UGT1A8: variants seen among roughly 807,000 people sequenced by gnomAD.
UGT1A8 encodes UDP-glucuronosyltransferase 1A8.
Under a neutral mutation model 45.3 loss-of-function variants are expected in UGT1A8, and 39 were observed. The ratio of observed to expected loss-of-function variants is 0.86; its 90% confidence interval spans 0.67 to 1.12. The LOEUF (loss-of-function observed/expected upper bound fraction) is 1.12. UGT1A8 is among the 50% of genes most tolerant of loss of function. UGT1A8 has a pLI of 0.00. For missense variants in UGT1A8, 719 were observed against 664.9 expected (o/e 1.08, Z -0.90); for synonymous variants, 275 against 249.2 (o/e 1.10, Z -0.97).
Position 233,618,369 on chromosome 2 carries a change from A to G in UGT1A8, c.662A>G (p.Gln221Arg), listed in dbSNP as rs139633511. Residue 221 changes from glutamine to arginine, a missense_variant, in exon 1 of 5, where the codon CAG (glutamine) becomes CGG (arginine). Gln to Arg is a conservative substitution (Grantham distance 43, BLOSUM62 1). Coordinates refer to ENST00000373450, the MANE Select transcript of UGT1A8 (RefSeq NM_019076.5). ...CACTTGGAGGAACATTTATTTTGCC[A>G]GTATTTTTCCAAAAATGCCCTAGAA... The part of the protein sequence containing the change: ...IMHLEEHLFC[Q>R]YFSKNALEIA... 3 of 1,613,970 alleles carry G rather than the reference A, an allele frequency of 1.9e-6. No homozygotes were observed. Among genetic ancestry groups the G allele is most frequent in the East Asian group, 4.5e-5 (2 of 44,870 alleles).
intron 1 of UGT1A8, among the ~76,000 whole-genome samples, chr2:233,741,312 A>G (rs536876139): frequency 2.0e-5 from 3 of 151,548 alleles, no homozygotes; most frequent in African/African-American, 4.9e-5. Context: ...ATACACACCA[A>G]CTCATTCTAC....
At chr2:233,668,135 C>T (rs577769503) in intron 1 of UGT1A8, among the ~76,000 whole-genome samples, 5 of 151,944 alleles carry the variant, frequency 3.3e-5, no homozygotes, top group African/African-American at 4.8e-5. Flanking sequence ...ATACATGTGC[C>T]GTGTTGGTTT....
intron 1 of UGT1A8, chr2:233,682,206 T>C (rs1290794027): frequency 6.2e-7 from 1 of 1,614,224 alleles, no homozygotes; most frequent in Middle Eastern, 1.7e-4. Flanking sequence ...GACCGGGAGT[T>C]CATGGTTTTT....
At chr2:233,636,291 G>T (rs541682994) in intron 1 of UGT1A8, among the ~76,000 whole-genome samples, 1 of 140,724 alleles carries the variant, frequency 7.1e-6, no homozygotes, top group South Asian at 2.2e-4. Flanking sequence ...CCAAGGCGAA[G>T]ACCATAATCT....
Position 233,618,109 on chromosome 2 carries a change from A to G in UGT1A8, c.402A>G (p.Val134=), listed in dbSNP as rs1211140659. The G allele has an allele frequency of 4.3e-6, 7 of 1,614,024 alleles. No homozygotes were observed. Among genetic ancestry groups the G allele is most frequent in the East Asian group, 4.5e-5 (2 of 44,890 alleles). ...GTTTGTTTAATGACCGAAAATTAGT[A>G]GAATACTTAAAGGAGAGTTCTTTTG... ...CRSLFNDRKL[V]EYLKESSFDA... is the part of the protein sequence containing the mutation. The change falls in exon 1 of 5, where the codon GTA becomes GTG. Residue 134 remains valine, a synonymous_variant. Coordinates refer to ENST00000373450, the MANE Select transcript of UGT1A8 (RefSeq NM_019076.5).
At chr2:233,695,451 A>G (rs774662852) in intron 1 of UGT1A8, among the ~76,000 whole-genome samples, 22 of 149,706 alleles carry the variant, frequency 1.5e-4, no homozygotes, top group South Asian at 6.5e-4. Context: ...TTTTTGATCA[A>G]CGTGCTTTAT....
Position 233,617,972 on chromosome 2 carries a change from G to A in UGT1A8, c.265G>A (p.Glu89Lys). The part of the protein sequence containing the change: ...TSYTLEDLDR[E>K]FMDFADAQWK... ...ATACACTCTGGAGGATCTGGACCGG[G>A]AATTCATGGATTTCGCCGATGCTCA... The change falls in exon 1 of 5, where the codon GAA (glutamate) becomes AAA (lysine). Residue 89 changes from glutamate to lysine, a missense_variant. Coordinates refer to ENST00000373450, the MANE Select transcript of UGT1A8 (RefSeq NM_019076.5). 6.2e-7 allele frequency: 1 copy of A among 1,614,188 alleles called. No individual in the cohort carries two copies. Among genetic ancestry groups the A allele is most frequent in the African/African-American group, 1.3e-5 (1 of 75,042 alleles).
At chr2:233,745,472 G>A (rs1454081365) in intron 1 of UGT1A8, among the ~76,000 whole-genome samples, 1 of 151,704 alleles carries the variant, frequency 6.6e-6, no homozygotes, top group Non-Finnish European at 1.5e-5. Context: ...AGGGGAAAAT[G>A]ATTAACCAAA....
chr2:233,688,577 C>G (rs2074902180), intron 1 of UGT1A8, among the ~76,000 whole-genome samples: 1 of 152,126 alleles, frequency 6.6e-6, no homozygotes, highest in African/African-American at 2.4e-5. Context: ...ATGAGTTCAT[C>G]TTGTTTTGGT....
chr2:233,691,989 T>C (rs1304927281), intron 1 of UGT1A8: 1 of 152,252 alleles, frequency 6.6e-6, no homozygotes, highest in African/African-American at 2.4e-5. Context: ...CCTAAGTTTA[T>C]GTAAAGGAGA....
chr2:233,620,042 A>G (rs2125447599), intron 1 of UGT1A8, among the ~76,000 whole-genome samples: 2 of 152,310 alleles, frequency 1.3e-5, no homozygotes, highest in South Asian at 4.1e-4. Flanking sequence ...ATATTATTTT[A>G]TTAGGGATGG....
intron 1 of UGT1A8, among the ~76,000 whole-genome samples, chr2:233,748,384 T>C (rs546137113): frequency 6.6e-6 from 1 of 151,886 alleles, no homozygotes; most frequent in South Asian, 2.1e-4. Context: ...ATGTCCTTCA[T>C]TGGGAAGGAG....
At chr2:233,713,722 C>A in intron 1 of UGT1A8, 1 of 1,613,948 alleles carries the variant, frequency 6.2e-7, no homozygotes, top group Non-Finnish European at 8.5e-7. Flanking sequence ...AGAGAGGTGT[C>A]AGTGGTGGAT....
intron 1 of UGT1A8, chr2:233,682,383 CT>C (rs1559339628): frequency 6.2e-7 from 1 of 1,613,858 alleles, no homozygotes; most frequent in Non-Finnish European, 8.5e-7. Flanking sequence ...TTTCTCGATC[CT>C]TTTGATGCCT....
rs1700524777 is a variant in UGT1A8, at chr2:233,772,469, C to T, written c.1503C>T (p.Phe501=). ...FLLAVVLTVA[F]ITFKCCAYGY... ...TGGCCGTCGTGCTGACAGTGGCCTTCATCACCTTTAAATGTTGTGCTTATG... is the reference window on the plus strand; with the variant it reads ...TGGCCGTCGTGCTGACAGTGGCCTTTATCACCTTTAAATGTTGTGCTTATG... Residue 501 remains phenylalanine (F), a synonymous_variant, in exon 5 of 5, where the codon TTC becomes TTT. Coordinates refer to ENST00000373450, the MANE Select transcript of UGT1A8 (RefSeq NM_019076.5). 12 of 1,614,144 alleles carry T rather than the reference C, an allele frequency of 7.4e-6. No homozygotes were observed. The highest frequency in any genetic ancestry group is 1.0e-5 in the Non-Finnish European group (12 of 1,180,034).
intron 1 of UGT1A8, among the ~76,000 whole-genome samples, chr2:233,711,224 G>A (rs1203779034): frequency 2.0e-5 from 3 of 152,198 alleles, no homozygotes; most frequent in Non-Finnish European, 4.4e-5. Context: ...CTCCCATGTC[G>A]CTGAAGGCAC....
intron 1 of UGT1A8, chr2:233,743,979 A>C (rs1692622611): frequency 3.1e-6 from 4 of 1,306,002 alleles, no homozygotes; most frequent in African/African-American, 1.5e-5. Flanking sequence ...GCCAGCACCC[A>C]GGCGCAGGCC....
chr2:233,719,429 C>T (rs2076765385), intron 1 of UGT1A8: 1 of 1,613,996 alleles, frequency 6.2e-7, no homozygotes, highest in Non-Finnish European at 8.5e-7. Flanking sequence ...CCAATTCAGA[C>T]CACATGACAT....
Position 233,636,776 on chromosome 2 carries a change from A to G in UGT1A8, c.855+18214A>G, listed in dbSNP as rs745741448. 5 of 1,614,122 alleles carry G rather than the reference A, an allele frequency of 3.1e-6. No individual in the cohort carries two copies. In the South Asian group the frequency reaches 4.4e-5, roughly 14 times the overall value. ...TACTCAACCTCGTACACTCTGGAAG[A>G]TCAGAACCGGGAATTCATGGTTTTC... On this transcript the variant is annotated intron_variant, in intron 1 of 4. Transcript: ENST00000373450.
Sources: allele counts gnomAD v4.1 joint callset (sites outside exome capture counted in the v4.1 genomes callset), GRCh38; gene constraint gnomAD v4.1.1; transcripts MANE v1.5; gene names NCBI Gene and HGNC (gene_info 2026-07-23, HGNC 2026-07-21).